The following BBS9 variants were observed in gnomAD, a reference collection of about 807,000 sequenced individuals.
BBS9 encodes protein PTHB1.
In BBS9, 89 loss-of-function variants were observed where a neutral mutation model predicts 117.7. The observed-to-expected ratio is 0.76, with a 90% confidence interval of 0.64 to 0.90. The LOEUF is 0.90. Among genes scored for constraint, BBS9 ranks in the 40% least tolerant of loss-of-function variants. The probability of loss-of-function intolerance (pLI) is 0.00; values close to 1 mark genes in which losing one functional copy is unlikely to be tolerated. For missense variants in BBS9, 982 were observed against 1,042.2 expected, an observed-to-expected ratio of 0.94 and a Z score of 0.80; for synonymous variants, 379 against 370.9, an observed-to-expected ratio of 1.02 and a Z score of -0.25.
intron 21 of BBS9, among the ~76,000 whole-genome samples, chr7:33,617,744 G>A (rs2700673): frequency 0.41 from 62,247 of 152,108 alleles, 18,019 homozygotes; most frequent in African/African-American, 0.82. Context: ...AAAGAACACA[G>A]TGAATGAACT....
rs188916251 is a variant in BBS9, at chr7:33,560,306, G to A, written c.2521+26130G>A. On this transcript the variant is annotated intron_variant, in intron 21 of 22. Coordinates refer to ENST00000242067, the MANE Select transcript of BBS9 (RefSeq NM_198428.3). ...TAGGGATCATAGTGGATTATTCTGG[G>A]TAGGAACAAGATAACCAAACTTACT... Among the ~76,000 whole-genome samples the A allele has an allele frequency of 4.8e-3, 724 of 152,058 alleles. 6 individuals are homozygous for A. The highest frequency in any genetic ancestry group is 7.8e-3 in the Non-Finnish European group (529 of 67,996).
intron 21 of BBS9, among the ~76,000 whole-genome samples, chr7:33,603,387 G>A (rs1315403361): frequency 6.6e-6 from 1 of 152,094 alleles, no homozygotes; most frequent in Non-Finnish European, 1.5e-5. Flanking sequence ...TTGGATGAGT[G>A]TAAAGAAGAA....
intron 21 of BBS9, among the ~76,000 whole-genome samples, chr7:33,544,565 A>G (rs995136853): frequency 2.0e-5 from 3 of 152,180 alleles, no homozygotes; most frequent in African/African-American, 7.2e-5. Flanking sequence ...GTCTCTCAGC[A>G]GTGGATACCA....
At position 33,510,257 on chromosome 7, in the gene BBS9, C is replaced by T. The variant is rs141434645; in HGVS notation, c.2298+4612C>T. Among the ~76,000 whole-genome samples, 15 of 152,054 alleles carry T rather than the reference C, an allele frequency of 9.9e-5. No individual in the cohort carries two copies. In the East Asian group the frequency reaches 2.7e-3, roughly 28 times the overall value. On this transcript the variant is annotated intron_variant, in intron 20 of 22. Transcript: ENST00000242067. ...TTCAGGTTAGGGGCTGGAGATATTT[C>T]AGGGTATTTGAATTCTCAATGCAGA...
intron 19 of BBS9, among the ~76,000 whole-genome samples, chr7:33,407,070 C>G (rs1460390599): frequency 6.6e-6 from 1 of 152,158 alleles, no homozygotes; most frequent in Non-Finnish European, 1.5e-5. Flanking sequence ...TTCAGATACA[C>G]CAATCAGACG....
At chr7:33,422,622 T>C (rs1289892511) in intron 19 of BBS9, among the ~76,000 whole-genome samples, 1 of 152,206 alleles carries the variant, frequency 6.6e-6, no homozygotes, top group Non-Finnish European at 1.5e-5. Flanking sequence ...AATTATGTCT[T>C]CTGTTTATAA....
chr7:33,533,397 C>T (rs930199444), intron 20 of BBS9, among the ~76,000 whole-genome samples: 8 of 152,186 alleles, frequency 5.3e-5, no homozygotes, highest in African/African-American at 1.2e-4. Context: ...GTGTCTCACA[C>T]GATCCTTCTT....
intron 19 of BBS9, among the ~76,000 whole-genome samples, chr7:33,406,551 A>G (rs901405368): frequency 1.3e-5 from 2 of 152,068 alleles, no homozygotes; most frequent in African/African-American, 4.8e-5. Context: ...ACATTTTGGC[A>G]TGATTTTGCA....
chr7:33,198,869 T>G (rs1056844095), intron 5 of BBS9, among the ~76,000 whole-genome samples: 1 of 151,994 alleles, frequency 6.6e-6, no homozygotes, highest in Non-Finnish European at 1.5e-5. Flanking sequence ...TGACCATTTC[T>G]AGACTTCAGC....
At chr7:33,397,044 C>T (rs1828094809) in intron 19 of BBS9, among the ~76,000 whole-genome samples, 1 of 152,078 alleles carries the variant, frequency 6.6e-6, no homozygotes, top group Non-Finnish European at 1.5e-5. Flanking sequence ...AGACAACCTA[C>T]AGAATGGGAG....
intron 21 of BBS9, among the ~76,000 whole-genome samples, chr7:33,598,150 C>T (rs1162699344): frequency 1.3e-5 from 2 of 151,818 alleles, no homozygotes; most frequent in Admixed American, 6.6e-5. Flanking sequence ...GTTCACTCCC[C>T]ACTTGGCTTC....
At chr7:33,406,523 C>G (rs538001074) in intron 19 of BBS9, among the ~76,000 whole-genome samples, 2 of 151,926 alleles carry the variant, frequency 1.3e-5, no homozygotes, top group South Asian at 4.2e-4. Context: ...CAGTTTCTTC[C>G]TAGTCTCGAT....
chr7:33,223,618 A>C lies in BBS9; in HGVS notation c.443-33618A>C, dbSNP rs146904089. Among the ~76,000 whole-genome samples, 89 of 152,252 alleles carry C rather than the reference A, an allele frequency of 5.8e-4. 1 individual carries two copies. In the East Asian group the frequency reaches 0.017, roughly 29 times the overall value. On this transcript the variant is annotated intron_variant, in intron 5 of 22. Coordinates refer to ENST00000242067, the MANE Select transcript of BBS9 (RefSeq NM_198428.3). ...AAGACTTAGGAATGTCTTTTATGTGAAACTATAATACTCTGTATGTTCTTC... is the reference window on the plus strand; with the variant it reads ...AAGACTTAGGAATGTCTTTTATGTGCAACTATAATACTCTGTATGTTCTTC...
At chr7:33,200,144 T>C (rs1375727741) in intron 5 of BBS9, among the ~76,000 whole-genome samples, 1 of 152,058 alleles carries the variant, frequency 6.6e-6, no homozygotes, top group African/African-American at 2.4e-5. Flanking sequence ...TCCTTTTTCT[T>C]ATCCTCCTTC....
At chr7:33,618,158 A>G (rs1182659083) in intron 21 of BBS9, among the ~76,000 whole-genome samples, 1 of 152,140 alleles carries the variant, frequency 6.6e-6, no homozygotes, top group Admixed American at 6.5e-5. Flanking sequence ...TGGGCAACAT[A>G]GTGAGACTCT....
chr7:33,492,704 T>A (rs1844156176), intron 19 of BBS9, among the ~76,000 whole-genome samples: 1 of 151,974 alleles, frequency 6.6e-6, no homozygotes, highest in Non-Finnish European at 1.5e-5. Context: ...CTGTGGGCCC[T>A]TCACCCCAGG....
Position 33,505,476 on chromosome 7 carries a change from C to A in BBS9, c.2129C>A (p.Ala710Glu). 1 of 1,614,136 alleles carries A rather than the reference C, an allele frequency of 6.2e-7. No homozygotes were observed. Among genetic ancestry groups the A allele is most frequent in the Non-Finnish European group, 8.5e-7 (1 of 1,179,964 alleles). ...TAATATCTGCAGGTAATTGCTCTAG[C>A]AGATGCAGTGGAGGAAAACCAAGGC... ...DGTYKQVIAL[A>E]DAVEENQGNL... Residue 710 changes from alanine to glutamate, a missense_variant, in exon 20 of 23, where the codon GCA (alanine) becomes GAA (glutamate). Ala to Glu is a moderately radical substitution (Grantham distance 107, BLOSUM62 -1). Coordinates refer to ENST00000242067, the MANE Select transcript of BBS9 (RefSeq NM_198428.3).
intron 19 of BBS9, among the ~76,000 whole-genome samples, chr7:33,394,574 T>C (rs1173718468): frequency 6.6e-6 from 1 of 152,094 alleles, no homozygotes; most frequent in African/African-American, 2.4e-5. Context: ...CTAATAAAAT[T>C]TTGGGAAAAA....
At chr7:33,431,379 A>G (rs1323385509) in intron 19 of BBS9, among the ~76,000 whole-genome samples, 1 of 152,194 alleles carries the variant, frequency 6.6e-6, no homozygotes, top group African/African-American at 2.4e-5. Context: ...AAATGTGGCT[A>G]TCCTAGTCAG....
Sources: allele counts gnomAD v4.1 joint callset (sites outside exome capture counted in the v4.1 genomes callset), GRCh38; gene constraint gnomAD v4.1.1; transcripts MANE v1.5; gene names NCBI Gene and HGNC (gene_info 2026-07-23, HGNC 2026-07-21).